KCNT2: variants seen among roughly 807,000 people sequenced by gnomAD.
KCNT2 encodes potassium sodium-activated channel subfamily T member 2.
KCNT2 carries 67 observed loss-of-function variants against 153.8 expected under a neutral mutation model. That is an observed-to-expected ratio of 0.44 (90% confidence interval 0.36 to 0.53). KCNT2 has a LOEUF of 0.53. KCNT2 is among the 20% of genes least tolerant of loss of function. The probability of loss-of-function intolerance (pLI) is 0.00; values close to 1 mark genes in which losing one functional copy is unlikely to be tolerated. For missense variants in KCNT2, 975 were observed against 1,354.8 expected, an observed-to-expected ratio of 0.72 and a Z score of 4.40; for synonymous variants, 500 against 458.8, an observed-to-expected ratio of 1.09 and a Z score of -1.15.
intron 1 of KCNT2, among the ~76,000 whole-genome samples, chr1:196,537,994 C>A (rs889782992): frequency 3.9e-5 from 6 of 152,192 alleles, no homozygotes; most frequent in African/African-American, 1.4e-4. Context: ...CCATTCATGG[C>A]AGCTTCTAAC....
intron 20 of KCNT2, among the ~76,000 whole-genome samples, chr1:196,319,268 A>G (rs1327246686): frequency 6.6e-6 from 1 of 151,862 alleles, no homozygotes; most frequent in Non-Finnish European, 1.5e-5. Context: ...GACAAAATTG[A>G]CATGCAGCAA....
chr1:196,594,083 C>T (rs1006688017), intron 1 of KCNT2, among the ~76,000 whole-genome samples: 1 of 151,990 alleles, frequency 6.6e-6, no homozygotes, highest in Non-Finnish European at 1.5e-5. Flanking sequence ...TGGAGTTGAT[C>T]ATTTACAACA....
At chr1:196,571,695 A>T (rs879524931) in intron 1 of KCNT2, among the ~76,000 whole-genome samples, 17 of 152,078 alleles carry the variant, frequency 1.1e-4, no homozygotes, top group Non-Finnish European at 2.5e-4. Context: ...AGGGGAAGAT[A>T]TAGGGCTTCT....
intron 1 of KCNT2, among the ~76,000 whole-genome samples, chr1:196,501,994 C>T (rs1680741026): frequency 1.3e-5 from 2 of 152,124 alleles, no homozygotes; most frequent in African/African-American, 4.8e-5. Flanking sequence ...CGGCGGGTGC[C>T]TGTAGTCCCA....
At chr1:196,534,493 T>C (rs1172378488) in intron 1 of KCNT2, among the ~76,000 whole-genome samples, 2 of 152,178 alleles carry the variant, frequency 1.3e-5, no homozygotes, top group Non-Finnish European at 2.9e-5. Context: ...GAAATGCTTA[T>C]GTCTTGAAAT....
intron 13 of KCNT2, among the ~76,000 whole-genome samples, chr1:196,384,431 C>T (rs1259216142): frequency 1.3e-5 from 2 of 152,114 alleles, no homozygotes; most frequent in African/African-American, 2.4e-5. Flanking sequence ...TAATCTCACG[C>T]CTGTAATCTT....
chr1:196,256,759 CAGTGTT>C (rs1336278967), intron 26 of KCNT2, among the ~76,000 whole-genome samples: 1 of 149,040 alleles, frequency 6.7e-6, no homozygotes, highest in Non-Finnish European at 1.5e-5. Flanking sequence ...ATATAAAAAA[CAGTGTT>C]AGTGTCAGAA....
intron 19 of KCNT2, among the ~76,000 whole-genome samples, chr1:196,321,729 T>C: frequency 6.6e-6 from 1 of 151,968 alleles, no homozygotes; most frequent in Non-Finnish European, 1.5e-5. Context: ...TTATGCCGTA[T>C]TCTTTGCAAA....
intron 21 of KCNT2, among the ~76,000 whole-genome samples, chr1:196,314,372 TTTTC>T (rs1662496612): frequency 1.3e-5 from 2 of 151,592 alleles, no homozygotes. Context: ...TACCCTGTAA[TTTTC>T]TTTTATATTC....
At chr1:196,378,819 A>G (rs1241631480) in intron 13 of KCNT2, among the ~76,000 whole-genome samples, 1 of 147,778 alleles carries the variant, frequency 6.8e-6, no homozygotes, top group African/African-American at 2.5e-5. Context: ...ATAATTATAT[A>G]TATATATTAT....
Position 196,465,305 on chromosome 1 carries a change from A to G in KCNT2, c.626T>C (p.Leu209Pro). The change falls in exon 8 of 28, where the codon CTT becomes CCT. Residue 209 changes from leucine to proline, a missense_variant. Transcript: ENST00000294725. ...TGTACAATCTTACCAGGTGAAGATA[A>G]GGCATAGTAATGTAGATATTAAAAT... is the stretch of plus-strand genomic sequence containing the variant. ...VLILISTLLC[L>P]IFTCICGIQH... 1 of 1,556,802 alleles carries G rather than the reference A, an allele frequency of 6.4e-7. No homozygotes were observed. The highest frequency in any genetic ancestry group is 8.9e-7 in the Non-Finnish European group (1 of 1,129,360).
At chr1:196,332,124 T>A (rs935702669) in intron 17 of KCNT2, among the ~76,000 whole-genome samples, 2 of 152,186 alleles carry the variant, frequency 1.3e-5, no homozygotes, top group Non-Finnish European at 2.9e-5. Context: ...GTTAAAACTA[T>A]TTTATCTTAA....
At chr1:196,257,296 A>T in intron 26 of KCNT2, 1 of 983,124 alleles carries the variant, frequency 1.0e-6, no homozygotes, top group Non-Finnish European at 1.2e-6. Context: ...AACAGAGGCA[A>T]CTTCTCTTAA....
At chr1:196,348,211 A>AC (rs892635684) in intron 14 of KCNT2, among the ~76,000 whole-genome samples, 5 of 152,142 alleles carry the variant, frequency 3.3e-5, no homozygotes, top group African/African-American at 1.2e-4. Context: ...AGAATTAAAA[A>AC]AAAAAAAACT....
chr1:196,603,312 C>T (rs909640782), intron 1 of KCNT2, among the ~76,000 whole-genome samples: 6 of 151,762 alleles, frequency 4.0e-5, no homozygotes, highest in African/African-American at 1.5e-4. Context: ...TAATGGCGCT[C>T]AAAAATTTAA....
rs768520612 is a variant in KCNT2 at position 196,285,663 on chromosome 1, C to A, written c.2691G>T (p.Leu897=). ...AAAAAGAAATATTGTATACCTGATACAGCAGAGTGTCCAACATACTGATGC... is the reference window on the plus strand; with the variant it reads ...AAAAAGAAATATTGTATACCTGATAAAGCAGAGTGTCCAACATACTGATGC... The part of the protein sequence containing the change: ...VFSISMLDTL[L]YQSFVKDYMI... Residue 897 remains leucine, a synonymous_variant, in exon 23 of 28, where the codon CTG becomes CTT. Coordinates refer to ENST00000294725, the MANE Select transcript of KCNT2 (RefSeq NM_198503.5). The A allele has an allele frequency of 6.3e-7, 1 of 1,595,282 alleles. No homozygotes were observed. The highest frequency in any genetic ancestry group is 8.6e-7 in the Non-Finnish European group (1 of 1,163,266).
chr1:196,409,478 A>G (rs907460012), intron 12 of KCNT2, among the ~76,000 whole-genome samples: 8 of 151,568 alleles, frequency 5.3e-5, no homozygotes, highest in African/African-American at 1.9e-4. Context: ...TAAATCCCAC[A>G]ATAATTGTCA....
At chr1:196,577,358 C>T (rs1301663035) in intron 1 of KCNT2, among the ~76,000 whole-genome samples, 1 of 152,152 alleles carries the variant, frequency 6.6e-6, no homozygotes, top group African/African-American at 2.4e-5. Context: ...TTTATTCTTA[C>T]TGTTTTGAGA....
At chr1:196,300,743 A>G (rs147708419) in intron 22 of KCNT2, among the ~76,000 whole-genome samples, 129 of 152,236 alleles carry the variant, frequency 8.5e-4, no homozygotes, top group African/African-American at 3.0e-3. Flanking sequence ...CATAAGATTT[A>G]TGTTCAATAC....
Sources: gnomAD v4.1 joint callset for allele counts (sites outside exome capture counted in the v4.1 genomes callset) on GRCh38, gnomAD v4.1.1 for gene constraint, MANE v1.5 for transcripts, NCBI Gene and HGNC (gene_info 2026-07-23, HGNC 2026-07-21) for gene names.